The following PIK3C2G variants were observed in gnomAD, a reference collection of about 807,000 sequenced individuals.
PIK3C2G encodes the protein phosphatidylinositol-4-phosphate 3-kinase catalytic subunit type 2 gamma, also known as phosphatidylinositol 3-kinase C2 domain-containing subunit gamma.
PIK3C2G carries 168 observed loss-of-function variants against 181.1 expected under a neutral mutation model. The ratio of observed to expected loss-of-function variants is 0.93; its 90% CI spans 0.82 to 1.05. The LOEUF (loss-of-function observed/expected upper bound fraction) is 1.05. Among genes scored for constraint, PIK3C2G ranks in the 50% least tolerant of loss-of-function variants. PIK3C2G has a pLI of 0.00. For synonymous variants in PIK3C2G, 573 were observed against 592.2 expected, an observed-to-expected ratio of 0.97 and a Z score of 0.47; for missense variants, 1,869 against 1,732.8, an observed-to-expected ratio of 1.08 and a Z score of -1.40.
chr12:18,711,523 T>G, the PIK3C2G span, among the ~76,000 whole-genome samples: 1 of 120,650 alleles, frequency 8.3e-6, no homozygotes, highest in South Asian at 2.5e-4. Flanking sequence ...ACCCTAAAAC[T>G]TAAAGTATAA....
intron 25 of PIK3C2G, among the ~76,000 whole-genome samples, chr12:18,544,242 C>G (rs1944310672): frequency 6.6e-6 from 1 of 151,826 alleles, no homozygotes; most frequent in African/African-American, 2.4e-5. Flanking sequence ...ATGGAAATCT[C>G]TGTAGAAGAT....
At chr12:18,500,929 C>G (rs1565454076) in intron 22 of PIK3C2G, among the ~76,000 whole-genome samples, 1 of 152,124 alleles carries the variant, frequency 6.6e-6, no homozygotes, top group Non-Finnish European at 1.5e-5. Context: ...ACCACGAACC[C>G]ACCGGGAGGA....
At chr12:18,669,668 T>G in the PIK3C2G span, among the ~76,000 whole-genome samples, 2 of 151,910 alleles carry the variant, frequency 1.3e-5, no homozygotes, top group Non-Finnish European at 2.9e-5. Context: ...TTCCTCTCTT[T>G]TTTTTTTGAG....
chr12:18,513,007 A>C (rs1305939969), intron 24 of PIK3C2G, among the ~76,000 whole-genome samples: 1 of 151,820 alleles, frequency 6.6e-6, no homozygotes, highest in African/African-American at 2.4e-5. Flanking sequence ...TCATGAAGGT[A>C]TGTTACATTT....
chr12:18,701,354 G>GATTCCC, the PIK3C2G span: 1 of 1,408,484 alleles, frequency 7.1e-7, no homozygotes, highest in Non-Finnish European at 9.5e-7. Flanking sequence ...TTCCACCATC[G>GATTCCC]ATGTTTTCAA....
chr12:18,397,153 G>T (rs530520553), intron 15 of PIK3C2G, among the ~76,000 whole-genome samples: 4 of 151,878 alleles, frequency 2.6e-5, no homozygotes, highest in African/African-American at 9.6e-5. Context: ...TTTTGACAAG[G>T]CCACCCATGC....
intron 29 of PIK3C2G, among the ~76,000 whole-genome samples, chr12:18,569,611 A>G (rs528653627): frequency 6.6e-6 from 1 of 152,330 alleles, no homozygotes; most frequent in African/African-American, 2.4e-5. Flanking sequence ...TGCATGACTC[A>G]GTATCCCCAT....
chr12:18,250,111 G>A (rs1394944172), intron 1 of PIK3C2G, among the ~76,000 whole-genome samples: 1 of 151,982 alleles, frequency 6.6e-6, no homozygotes, highest in East Asian at 1.9e-4. Flanking sequence ...AAAATGTTAA[G>A]TTCACTAGTT....
intron 6 of PIK3C2G, 78 bp from the exon 7 acceptor site, chr12:18,320,884 A>G: frequency 1.3e-6 from 1 of 744,354 alleles, no homozygotes; most frequent in Non-Finnish European, 2.3e-6. Flanking sequence ...AAATGACAGC[A>G]GGAAGTTACG....
chr12:18,250,050 T>A (rs1392243245), intron 1 of PIK3C2G, among the ~76,000 whole-genome samples: 1 of 152,088 alleles, frequency 6.6e-6, no homozygotes, highest in African/African-American at 2.4e-5. Flanking sequence ...GCTCACTCAA[T>A]GTAACCAGAA....
At chr12:18,447,817 T>G (rs114191931) in intron 18 of PIK3C2G, among the ~76,000 whole-genome samples, 2,628 of 152,294 alleles carry the variant, frequency 0.017, 76 homozygotes, top group African/African-American at 0.061. Context: ...AAAGAACAAC[T>G]GATAGCTATT....
At chr12:18,283,709 A>G (rs1043806397) in intron 2 of PIK3C2G, among the ~76,000 whole-genome samples, 3 of 152,198 alleles carry the variant, frequency 2.0e-5, no homozygotes, top group Non-Finnish European at 4.4e-5. Flanking sequence ...CAAAAGAGGT[A>G]GCACCTCAAA....
At chr12:18,622,630 A>G (rs1190385492) in intron 31 of PIK3C2G, among the ~76,000 whole-genome samples, 1 of 151,912 alleles carries the variant, frequency 6.6e-6, no homozygotes, top group African/African-American at 2.4e-5. Flanking sequence ...AGGAACTTCC[A>G]TACTGTTTTT....
chr12:18,561,028 A>C (rs1183257522), intron 26 of PIK3C2G, among the ~76,000 whole-genome samples: 1 of 152,222 alleles, frequency 6.6e-6, no homozygotes, highest in African/African-American at 2.4e-5. Context: ...TGTTATATCA[A>C]GGCAAACTAA....
chr12:18,384,170 G>C (rs1943026542), intron 14 of PIK3C2G, among the ~76,000 whole-genome samples: 1 of 151,776 alleles, frequency 6.6e-6, no homozygotes, highest in African/African-American at 2.4e-5. Flanking sequence ...AAGGATCATA[G>C]GGCCAAAAAC....
chr12:18,669,501 G>A, the PIK3C2G span, among the ~76,000 whole-genome samples: 2 of 152,124 alleles, frequency 1.3e-5, no homozygotes, highest in African/African-American at 4.8e-5. Context: ...TAGACTCGGT[G>A]GCTTAAACAA....
At chr12:18,517,291 G>C (rs1193828037) in intron 24 of PIK3C2G, among the ~76,000 whole-genome samples, 2 of 152,056 alleles carry the variant, frequency 1.3e-5, no homozygotes, top group Non-Finnish European at 2.9e-5. Context: ...TCAGTCTGGG[G>C]AACGCTTACA....
chr12:18,638,381 C>T (rs1331558584), intron 31 of PIK3C2G, among the ~76,000 whole-genome samples: 2 of 152,120 alleles, frequency 1.3e-5, no homozygotes, highest in Non-Finnish European at 1.5e-5. Flanking sequence ...GAAAAGAAGG[C>T]TCATCAGAAT....
At chr12:18,248,028 A>G (rs1250237003) in exon 1 of PIK3C2G, 3 of 152,206 alleles carry the variant, frequency 2.0e-5, no homozygotes, top group Non-Finnish European at 4.4e-5. Context: ...AGGAAATGGT[A>G]CCTGAAAACT....
Sources: allele counts gnomAD v4.1 joint callset (sites outside exome capture counted in the v4.1 genomes callset), GRCh38; gene constraint gnomAD v4.1.1; transcripts MANE v1.5; gene names NCBI Gene and HGNC (gene_info 2026-07-23, HGNC 2026-07-21).